Variants in CEP85L observed in about 807,000 individuals in gnomAD.
CEP85L encodes the protein centrosomal protein 85L.
In CEP85L, 60 loss-of-function variants were observed where a neutral mutation model predicts 100.3. The ratio of observed to expected loss-of-function variants is 0.60; its 90% CI spans 0.49 to 0.74. The LOEUF is 0.74. Ranked by LOEUF, CEP85L falls within the 30% of genes least tolerant of loss-of-function variation. CEP85L has a pLI of 0.00. For missense variants in CEP85L, 973 were observed against 936.2 expected (o/e 1.04, Z -0.51); for synonymous variants, 319 against 322.7 (o/e 0.99, Z 0.12).
At position 118,461,886 on chromosome 6, in the gene CEP85L, A is replaced by G. The variant is rs1772252478; in HGVS notation, c.*3519T>C. 1 of 152,104 alleles carries G rather than the reference A, an allele frequency of 6.6e-6. No homozygotes were observed. The highest frequency in any genetic ancestry group is 2.1e-4 in the South Asian group (1 of 4,830). The allele number at this position is 152,104 out of a possible 1,614,324, so 9.4% of individuals were successfully genotyped here. ...ATAATTCCTACGTAAGAGAATGCCA[A>G]TAATCCAAACTAAAGGTGTGCCTAA... is the stretch of plus-strand genomic sequence containing the variant. On this transcript the variant is annotated 3_prime_UTR_variant, in exon 13 of 13. Coordinates refer to ENST00000368491, the MANE Select transcript of CEP85L (RefSeq NM_001042475.3).
At chr6:118,507,080 C>T (rs182270389) in intron 5 of CEP85L, among the ~76,000 whole-genome samples, 6 of 152,286 alleles carry the variant, frequency 3.9e-5, no homozygotes, top group African/African-American at 9.6e-5. Context: ...TCTCTTATCT[C>T]TGGCTCAGAC....
Position 118,480,429 on chromosome 6 carries a change from A to C in CEP85L, c.1830T>G (p.Asp610Glu). Reference protein sequence around the residue: ...LDAKQLQNENDNLRQQNETAS... With the variant: ...LDAKQLQNENENLRQQNETAS... ...CAGTCTCATTTTGTTGTCTGAGATT[A>C]TCATTTTCATTCTGAAGCTGTTTTG... The change falls in exon 9 of 13, where the codon GAT becomes GAG. Residue 610 changes from aspartate to glutamate, a missense_variant. Around this residue, in one of 3 missense-constraint regions of CEP85L, gnomAD observed 890 missense variants for 844.5 expected, o/e 1.05. Coordinates refer to ENST00000368491, the MANE Select transcript of CEP85L (RefSeq NM_001042475.3). 1 of 1,611,058 alleles carries C rather than the reference A, an allele frequency of 6.2e-7. No homozygotes were observed. Among genetic ancestry groups the C allele is most frequent in the African/African-American group, 1.3e-5 (1 of 74,938 alleles).
intron 3 of CEP85L, among the ~76,000 whole-genome samples, chr6:118,533,912 TG>T (rs1777436442): frequency 6.6e-6 from 1 of 152,046 alleles, no homozygotes; most frequent in Non-Finnish European, 1.5e-5. Context: ...CTGGCCAACA[TG>T]GTGAAACCCC....
At chr6:118,673,756 C>G (rs564958231) in intron 1 of CEP85L, among the ~76,000 whole-genome samples, 2 of 152,238 alleles carry the variant, frequency 1.3e-5, no homozygotes, top group African/African-American at 4.8e-5. Context: ...GACATAAACA[C>G]AATCATCAGA....
At chr6:118,562,772 A>G (rs1431077042) in intron 3 of CEP85L, among the ~76,000 whole-genome samples, 1 of 152,222 alleles carries the variant, frequency 6.6e-6, no homozygotes, top group African/African-American at 2.4e-5. Flanking sequence ...TCATCTTTTT[A>G]ATGACTGCCA....
chr6:118,651,491 G>T lies in CEP85L; in HGVS notation c.-222C>A. On this transcript the variant is annotated 5_prime_UTR_variant, in exon 1 of 13. Transcript: ENST00000368491. The stretch of plus-strand genomic sequence containing the variant: ...CCATGGCCAAGCCGGCTGGGCTGAG[G>T]CCCGCGCCGGGGAAGCGGCGACTCG... 1 of 1,278,930 alleles carries T rather than the reference G, an allele frequency of 7.8e-7. No individual in the cohort carries two copies. The highest frequency in any genetic ancestry group is 9.9e-7 in the Non-Finnish European group (1 of 1,014,100). 79.2% of individuals were successfully genotyped at this position (1,278,930 alleles called of 1,614,324 possible).
intron 5 of CEP85L, among the ~76,000 whole-genome samples, chr6:118,497,860 T>G (rs1323711614): frequency 1.3e-5 from 2 of 152,254 alleles, no homozygotes; most frequent in Non-Finnish European, 2.9e-5. Flanking sequence ...TATTCTTAAT[T>G]GATCTAACAA....
At chr6:118,561,360 A>C (rs1220708131) in intron 3 of CEP85L, among the ~76,000 whole-genome samples, 4 of 152,134 alleles carry the variant, frequency 2.6e-5, no homozygotes, top group Non-Finnish European at 5.9e-5. Context: ...TTCTCAGTAA[A>C]CAGAAATAAC....
At chr6:118,474,100 C>T (rs113139716) in intron 10 of CEP85L, among the ~76,000 whole-genome samples, 1 of 152,214 alleles carries the variant, frequency 6.6e-6, no homozygotes, top group African/African-American at 2.4e-5. Context: ...ACAGACCTAC[C>T]ACTCAATGAA....
At chr6:118,490,005 A>G (rs1227022281) in intron 6 of CEP85L, among the ~76,000 whole-genome samples, 2 of 152,084 alleles carry the variant, frequency 1.3e-5, no homozygotes, top group African/African-American at 4.8e-5. Context: ...ACGCACACAC[A>G]CACACAAAAT....
intron 2 of CEP85L, among the ~76,000 whole-genome samples, chr6:118,622,116 A>C (rs879028301): frequency 6.6e-6 from 1 of 152,206 alleles, no homozygotes; most frequent in African/African-American, 2.4e-5. Context: ...GTAGTAGCAA[A>C]AGGCTGGCCT....
At chr6:118,700,902 C>T (rs2114358458) in intron 1 of CEP85L, among the ~76,000 whole-genome samples, 1 of 152,282 alleles carries the variant, frequency 6.6e-6, no homozygotes, top group East Asian at 1.9e-4. Context: ...TTCAGCAGTG[C>T]TACATGCAGG....
intron 1 of CEP85L, among the ~76,000 whole-genome samples, chr6:118,709,383 A>C (rs1482847944): frequency 1.3e-5 from 2 of 152,164 alleles, no homozygotes; most frequent in East Asian, 3.9e-4. Context: ...TGTGTACGCC[A>C]GATTGGGAAG....
chr6:118,514,494 C>T (rs1275806654), intron 4 of CEP85L, among the ~76,000 whole-genome samples: 3 of 135,288 alleles, frequency 2.2e-5, no homozygotes, highest in African/African-American at 8.5e-5. Context: ...CATTGCACTT[C>T]AGCCTGGGAG....
chr6:118,511,360 C>G lies in CEP85L; in HGVS notation c.1195G>C (p.Ala399Pro), dbSNP rs878916760. 24 of 1,613,050 alleles carry G rather than the reference C, an allele frequency of 1.5e-5. No individual in the cohort carries two copies. Among genetic ancestry groups the G allele is most frequent in the Non-Finnish European group, 1.7e-5 (20 of 1,179,468 alleles). Residue 399 changes from alanine to proline, a missense_variant, in exon 5 of 13, where the codon GCT becomes CCT. Ala to Pro is a conservative substitution (Grantham distance 27, BLOSUM62 -1). This residue lies in a region of CEP85L where 890 missense variants were observed against 844.5 expected (regional missense o/e 1.05). Coordinates refer to ENST00000368491, the MANE Select transcript of CEP85L (RefSeq NM_001042475.3). Reference sequence around the variant, plus strand: ...TAATGTCCTAACATGGCATGTTGAGCCCGTAATTCATTATCCCTTATCCTC... The same window carrying G: ...TAATGTCCTAACATGGCATGTTGAGGCCGTAATTCATTATCCCTTATCCTC... ...HERIRDNELR[A>P]QHAMLGHYVN... is the part of the protein sequence containing the mutation.
rs1164202166 is a variant in CEP85L, at chr6:118,632,706, G to A, written c.74-95C>T. 4.6e-5 allele frequency: 42 copies of A among 909,040 alleles called. No individual in the cohort carries two copies. The Middle Eastern group carries it at 1.7e-3, about 38-fold the overall frequency. The allele number at this position is 909,040 out of a possible 1,614,324, so 56.3% of individuals were successfully genotyped here. On this transcript the variant is annotated intron_variant, in intron 1 of 12. Coordinates refer to ENST00000368491, the MANE Select transcript of CEP85L (RefSeq NM_001042475.3). ...GGAAAATACACATAGGGTATAAAAG[G>A]TATAAAAGGTTCTTTTCTGCCCAAA...
At chr6:118,685,828 G>T (rs1433723403) in intron 1 of CEP85L, among the ~76,000 whole-genome samples, 1 of 152,152 alleles carries the variant, frequency 6.6e-6, no homozygotes, top group African/African-American at 2.4e-5. Flanking sequence ...GGAGGAAAAA[G>T]GTAGTAAAAA....
intron 3 of CEP85L, among the ~76,000 whole-genome samples, chr6:118,527,932 T>C (rs561307353): frequency 5.3e-5 from 8 of 152,300 alleles, no homozygotes; most frequent in African/African-American, 1.7e-4. Context: ...AAAAATCTTC[T>C]AGGCTAGATT....
chr6:118,573,481 G>A (rs564683170), intron 2 of CEP85L, among the ~76,000 whole-genome samples: 16 of 152,228 alleles, frequency 1.1e-4, no homozygotes, highest in African/African-American at 3.6e-4. Flanking sequence ...AGAGCAAAGA[G>A]ACAAATGGTA....
Sources: allele counts gnomAD v4.1 joint callset (sites outside exome capture counted in the v4.1 genomes callset), GRCh38; gene constraint gnomAD v4.1.1; regional missense constraint gnomAD v4.1.1; transcripts MANE v1.5; gene names NCBI Gene and HGNC (gene_info 2026-07-23, HGNC 2026-07-21).